LRRC37A3: variants seen among roughly 807,000 people sequenced by gnomAD.
LRRC37A3 encodes the protein leucine-rich repeat-containing protein 37A3.
LRRC37A3 carries 25 observed loss-of-function variants against 106.2 expected under a neutral mutation model. That is an observed-to-expected ratio of 0.24 (90% CI 0.17 to 0.33). LRRC37A3 has a LOEUF of 0.33. Among genes scored for constraint, LRRC37A3 ranks in the 10% least tolerant of loss-of-function variants. LRRC37A3 has a pLI of 1.00. For synonymous variants in LRRC37A3, 305 were observed against 635.8 expected (o/e 0.48, Z 7.83); for missense variants, 712 against 1,644.9 (o/e 0.43, Z 9.81).
At chr17:64,855,333 C>T (rs1272972856) in intron 14 of LRRC37A3, among the ~76,000 whole-genome samples, 5 of 151,210 alleles carry the variant, frequency 3.3e-5, no homozygotes, top group Admixed American at 3.3e-4. Context: ...CCCTCTCTCT[C>T]ACACCCGGTG....
chr17:64,908,800 G>C (rs1466987951), intron 2 of LRRC37A3, among the ~76,000 whole-genome samples: 2 of 141,428 alleles, frequency 1.4e-5, no homozygotes, highest in African/African-American at 3.1e-5. Context: ...GCTGGGCATG[G>C]TGGCTTGTAC....
At chr17:64,919,103 C>A (rs568190846) in intron 1 of LRRC37A3, among the ~76,000 whole-genome samples, 3 of 151,820 alleles carry the variant, frequency 2.0e-5, no homozygotes, top group African/African-American at 7.2e-5. Flanking sequence ...TCAGCCTGGG[C>A]GGCGGCCCAC....
In LRRC37A3 at chr17:64,854,239, G is replaced by A. The variant is rs367632165; in HGVS notation, c.*360C>T. 407 of 382,592 alleles carry A rather than the reference G, an allele frequency of 1.1e-3. No homozygotes were observed. Among genetic ancestry groups the A allele is most frequent in the Middle Eastern group, 5.9e-3 (8 of 1,360 alleles). The allele number at this position is 382,592 out of a possible 1,614,324, so 23.7% of individuals were successfully genotyped here. A position where few individuals can be genotyped will look rare whatever the true frequency, so the allele number is the denominator to read the frequency against. On this transcript the variant is annotated 3_prime_UTR_variant, in exon 15 of 15. Transcript: ENST00000584306. ...GCTTGAGGGCTTGGGAAAAAGACAG[G>A]GCTTGGCCCCACAGTGCAGGTAGGC...
At chr17:64,861,831 C>T (rs1972883183) in intron 11 of LRRC37A3, among the ~76,000 whole-genome samples, 1 of 152,162 alleles carries the variant, frequency 6.6e-6, no homozygotes, top group Non-Finnish European at 1.5e-5. Context: ...TCCAAAGCTT[C>T]TGACTGCATG....
chr17:64,862,925 T>C lies in LRRC37A3; in HGVS notation c.3147A>G (p.Ala1049=). 6.3e-7 allele frequency: 1 copy of C among 1,599,252 alleles called. No homozygotes were observed. The highest frequency in any genetic ancestry group is 1.3e-5 in the African/African-American group (1 of 75,054). Residue 1049 remains alanine (A), a synonymous_variant, in exon 11 of 15, where the codon GCA becomes GCG. Coordinates refer to ENST00000584306, the MANE Select transcript of LRRC37A3 (RefSeq NM_199340.5). ...GACAATGTGTGGTGTTTGTCAGACA[T>C]GCACTGTTGCAATGCAGCTTGACTG... ...CKTVKLHCNS[A]CLTNTTHCPE...
intron 2 of LRRC37A3, among the ~76,000 whole-genome samples, chr17:64,913,279 T>G (rs1159223102): frequency 6.6e-6 from 1 of 151,578 alleles, no homozygotes; most frequent in Non-Finnish European, 1.5e-5. Context: ...TTCACCTGCC[T>G]CGGCCTTCCA....
rs60703427 is a variant in LRRC37A3, at chr17:64,872,210, C to CAA, written c.2907-3046_2907-3045dup. Among the ~76,000 whole-genome samples, 172 of 61,834 alleles carry CAA rather than the reference C, an allele frequency of 2.8e-3. 1 individual carries two copies. The highest frequency in any genetic ancestry group is 6.7e-3 in the East Asian group (15 of 2,238). The allele number at this position is 61,834 out of a possible 152,430, so 40.6% of individuals were successfully genotyped here. ...AAGCAACAAATACCAAAAAAATAGC[C>CAA]AAAAAAAAAAAAAAAAAAAAATTGA... On this transcript the variant is annotated intron_variant, in intron 8 of 14. Coordinates refer to ENST00000584306, the MANE Select transcript of LRRC37A3 (RefSeq NM_199340.5).
chr17:64,915,469 A>G (rs1974683773), intron 2 of LRRC37A3, among the ~76,000 whole-genome samples: 1 of 152,266 alleles, frequency 6.6e-6, no homozygotes, highest in Non-Finnish European at 1.5e-5. Context: ...TGGAACAGCT[A>G]TTATCATTCA....
In LRRC37A3 at chr17:64,880,065, C is replaced by T. The variant is rs200262559; in HGVS notation, c.2906+6021G>A. 3.4e-4 allele frequency among the ~76,000 whole-genome samples: 51 copies of T among 151,944 alleles called. No individual in the cohort carries two copies. The East Asian group carries it at 9.1e-3, about 27-fold the overall frequency. On this transcript the variant is annotated intron_variant, in intron 8 of 14. Coordinates refer to ENST00000584306, the MANE Select transcript of LRRC37A3 (RefSeq NM_199340.5). ...TCAGCATTACCTCTGAACTAGGAAG[C>T]TCTTCTCCAGCTGACATTAGGATCT... is the stretch of plus-strand genomic sequence containing the variant.
chr17:64,866,628 A>AT (rs1183521580), intron 10 of LRRC37A3, among the ~76,000 whole-genome samples: 963 of 17,878 alleles, frequency 0.054, 182 homozygotes, highest in Non-Finnish European at 0.064. Context: ...ATATATATAT[A>AT]TTTTTTTTTT....
intron 2 of LRRC37A3, among the ~76,000 whole-genome samples, chr17:64,918,472 T>C (rs1974754120): frequency 6.6e-6 from 1 of 152,148 alleles, no homozygotes; most frequent in Non-Finnish European, 1.5e-5. Flanking sequence ...GAAAATCAGA[T>C]GTGTACATGA....
At chr17:64,917,342 A>C (rs1340259528) in intron 2 of LRRC37A3, among the ~76,000 whole-genome samples, 1 of 151,766 alleles carries the variant, frequency 6.6e-6, no homozygotes, top group Non-Finnish European at 1.5e-5. Context: ...GTAAGAATGC[A>C]AAATGGTACA....
intron 10 of LRRC37A3, 32 bp from the exon 11 acceptor site, chr17:64,863,050 C>G: frequency 6.3e-7 from 1 of 1,597,138 alleles, no homozygotes; most frequent in Non-Finnish European, 8.5e-7. Flanking sequence ...AATAAATTAG[C>G]GGTAAAGCGG....
At chr17:64,879,703 G>C (rs1973630121) in intron 8 of LRRC37A3, among the ~76,000 whole-genome samples, 1 of 152,022 alleles carries the variant, frequency 6.6e-6, no homozygotes, top group African/African-American at 2.4e-5. Flanking sequence ...ACCACTGGTG[G>C]GCTCTGTACA....
intron 11 of LRRC37A3, among the ~76,000 whole-genome samples, chr17:64,861,260 CTCAG>C (rs764202568): frequency 6.6e-6 from 1 of 152,178 alleles, no homozygotes; most frequent in Non-Finnish European, 1.5e-5. Flanking sequence ...TTGCCCAGTG[CTCAG>C]TCAAAGCCCA....
Position 64,869,102 on chromosome 17 carries a change from T to G in LRRC37A3, c.2971A>C (p.Lys991Gln). 1 of 1,612,078 alleles carries G rather than the reference T, an allele frequency of 6.2e-7. No individual in the cohort carries two copies. Among genetic ancestry groups the G allele is most frequent in the Non-Finnish European group, 8.5e-7 (1 of 1,179,372 alleles). Residue 991 changes from lysine (K) to glutamine (Q), a missense_variant, in exon 9 of 15, where the codon AAA becomes CAA. Transcript: ENST00000584306. ...DPYLFKLPAL[K>Q]YLDMGTTLVP... is the part of the protein sequence containing the mutation. ...GAGTACTATAGTACTTACAGATATTTTAATGCTGGCAATTTAAAGAGATAT... is the reference window on the plus strand; with the variant it reads ...GAGTACTATAGTACTTACAGATATTGTAATGCTGGCAATTTAAAGAGATAT...
intron 8 of LRRC37A3, among the ~76,000 whole-genome samples, chr17:64,870,506 A>C: frequency 6.6e-6 from 1 of 152,250 alleles, no homozygotes; most frequent in Non-Finnish European, 1.5e-5. Flanking sequence ...GTACTTAGGC[A>C]GAAATTATAA....
chr17:64,859,766 G>A lies in LRRC37A3; in HGVS notation c.4380C>T (p.Ser1460=). ...GGGACGAGAGCAATGGGTAATTGAA[G>A]CTTTTGGGCTCGGGGGACAGGTCAG... The part of the protein sequence containing the change: ...VGTDLSPEPK[S]FNYPLLSSPG... Residue 1460 remains serine, a synonymous_variant, in exon 12 of 15, where the codon AGC becomes AGT. Transcript: ENST00000584306. The A allele has an allele frequency of 6.2e-7, 1 of 1,612,714 alleles. No individual in the cohort carries two copies. Among genetic ancestry groups the A allele is most frequent in the Non-Finnish European group, 8.5e-7 (1 of 1,180,000 alleles).
intron 10 of LRRC37A3, among the ~76,000 whole-genome samples, chr17:64,866,792 G>A (rs1197998729): frequency 7.6e-6 from 1 of 131,974 alleles, no homozygotes; most frequent in Non-Finnish European, 1.5e-5. Flanking sequence ...CACCACACCT[G>A]GCTGATTTTT....
Sources: allele counts gnomAD v4.1 joint callset (sites outside exome capture counted in the v4.1 genomes callset), GRCh38; gene constraint gnomAD v4.1.1; transcripts MANE v1.5; gene names NCBI Gene and HGNC (gene_info 2026-07-23, HGNC 2026-07-21).